Variants in NCK2 observed in about 807,000 individuals in gnomAD.
The protein encoded by NCK2 is cytoplasmic protein NCK2.
A neutral mutation model predicts 33.9 loss-of-function variants in NCK2; 16 were observed. The observed-to-expected ratio is 0.47, with a 90% CI of 0.32 to 0.72. The LOEUF is 0.72. Among genes scored for constraint, NCK2 ranks in the 30% least tolerant of loss-of-function variants. The probability of loss-of-function intolerance (pLI) is 0.03; values close to 1 mark genes in which losing one functional copy is unlikely to be tolerated. For missense variants in NCK2, 418 were observed against 537.3 expected (o/e 0.78, Z 2.19); for synonymous variants, 273 against 239.9 (o/e 1.14, Z -1.27).
At chr2:105,858,077 A>G (rs1432936268) in intron 3 of NCK2, among the ~76,000 whole-genome samples, 2 of 151,064 alleles carry the variant, frequency 1.3e-5, no homozygotes, top group African/African-American at 4.9e-5. Context: ...TTTGCTAAAA[A>G]GATAGGAGCC....
At chr2:105,817,132 C>T (rs1675522999) in intron 2 of NCK2, among the ~76,000 whole-genome samples, 1 of 149,622 alleles carries the variant, frequency 6.7e-6, no homozygotes, top group Non-Finnish European at 1.5e-5. Context: ...GCCAAGGTCA[C>T]ACCACTGCAC....
chr2:105,817,872 G>A (rs562695433), intron 2 of NCK2, among the ~76,000 whole-genome samples: 131 of 152,014 alleles, frequency 8.6e-4, no homozygotes, highest in African/African-American at 1.1e-3. Context: ...ACAGTGTGGC[G>A]ATTCCTCAGG....
chr2:105,882,065 C>G lies in NCK2; in HGVS notation c.948+16C>G. 3 of 1,485,968 alleles carry G rather than the reference C, an allele frequency of 2.0e-6. No homozygotes were observed. Among genetic ancestry groups the G allele is most frequent in the Non-Finnish European group, 2.7e-6 (3 of 1,118,050 alleles). 92.0% of individuals were successfully genotyped at this position (1,485,968 alleles called of 1,614,324 possible). A position where few individuals can be genotyped will look rare whatever the true frequency, so the allele number is the denominator to read the frequency against. On this transcript the variant is annotated intron_variant, in intron 4 of 4. Transcript: ENST00000233154. ...CGAGTCCTCGGTAAGTGCGCTGCGC[C>G]CACAGCTCCGGCTGCAGGCAGTAAA...
chr2:105,783,074 T>C (rs371416082), intron 1 of NCK2, among the ~76,000 whole-genome samples: 1 of 152,128 alleles, frequency 6.6e-6, no homozygotes, highest in Admixed American at 6.5e-5. Flanking sequence ...ACAAGATAGA[T>C]GGGGAAGCTG....
At chr2:105,811,398 A>C (rs951852542) in intron 1 of NCK2, among the ~76,000 whole-genome samples, 8 of 152,086 alleles carry the variant, frequency 5.3e-5, no homozygotes, top group African/African-American at 1.9e-4. Flanking sequence ...TCTGGCTGTA[A>C]TTTGCTTCTC....
At chr2:105,869,338 C>T (rs1460086147) in intron 3 of NCK2, among the ~76,000 whole-genome samples, 1 of 152,314 alleles carries the variant, frequency 6.6e-6, no homozygotes, top group Non-Finnish European at 1.5e-5. Context: ...GCTCCTGCTG[C>T]GTGTCAACAC....
intron 3 of NCK2, among the ~76,000 whole-genome samples, chr2:105,867,846 G>A (rs535203688): frequency 5.3e-5 from 8 of 152,192 alleles, no homozygotes; most frequent in Non-Finnish European, 1.2e-4. Context: ...TTACTCAAGC[G>A]GGAGTCTTAA....
chr2:105,854,986 G>A, intron 2 of NCK2, 62 bp from the exon 3 acceptor site: 1 of 1,294,332 alleles, frequency 7.7e-7, no homozygotes, highest in Non-Finnish European at 1.1e-6. Context: ...TTTCAAGTTG[G>A]TGCAAAGGAT....
chr2:105,893,449 C>A lies in NCK2; in HGVS notation c.*273C>A. 2.5e-6 allele frequency: 1 copy of A among 397,594 alleles called. No individual in the cohort carries two copies. 24.6% of individuals were successfully genotyped at this position (397,594 alleles called of 1,614,324 possible). On this transcript the variant is annotated 3_prime_UTR_variant, in exon 5 of 5. Coordinates refer to ENST00000233154, the MANE Select transcript of NCK2 (RefSeq NM_003581.5). The stretch of plus-strand genomic sequence containing the variant: ...TCGGAAGTGGCGCTCGTGCATTCAA[C>A]TCGTTCCCGCTCATGGAACCCCTCT...
chr2:105,861,907 C>T (rs1677551148), intron 3 of NCK2, among the ~76,000 whole-genome samples: 1 of 4,450 alleles, frequency 2.2e-4, no homozygotes, highest in East Asian at 0.042. Flanking sequence ...ATTCTTTCCT[C>T]CCTCCCTCCC....
intron 1 of NCK2, among the ~76,000 whole-genome samples, chr2:105,759,601 A>AT (rs1200288068): frequency 6.6e-6 from 1 of 152,220 alleles, no homozygotes; most frequent in Non-Finnish European, 1.5e-5. Flanking sequence ...TGTGATTCAC[A>AT]TCTTACGTTA....
intron 2 of NCK2, among the ~76,000 whole-genome samples, chr2:105,835,408 T>TATATATATATATATATATACATACATAC (rs1553458610): frequency 4.8e-5 from 2 of 41,270 alleles, no homozygotes; most frequent in Admixed American, 2.8e-4. Flanking sequence ...TATATATACG[T>TATATATATATATATATATACATACATAC]GTATATATAT....
At chr2:105,758,413 G>GT (rs574939583) in intron 1 of NCK2, among the ~76,000 whole-genome samples, 5,137 of 132,470 alleles carry the variant, frequency 0.039, 188 homozygotes, top group African/African-American at 0.079. Context: ...TGTTGTTTTT[G>GT]TTTTTTTTTT....
At chr2:105,811,631 G>A (rs1313430741) in intron 1 of NCK2, among the ~76,000 whole-genome samples, 1 of 152,222 alleles carries the variant, frequency 6.6e-6, no homozygotes, top group Admixed American at 6.5e-5. Flanking sequence ...TGGGTTGCAT[G>A]AAGGATGCCA....
At chr2:105,880,189 G>A (rs1287874302) in intron 3 of NCK2, among the ~76,000 whole-genome samples, 2 of 152,196 alleles carry the variant, frequency 1.3e-5, no homozygotes, top group Non-Finnish European at 2.9e-5. Context: ...TGAAGAAACA[G>A]TACTTACTGT....
chr2:105,817,560 T>C (rs1397887868), intron 2 of NCK2, among the ~76,000 whole-genome samples: 1 of 152,186 alleles, frequency 6.6e-6, no homozygotes, highest in African/African-American at 2.4e-5. Flanking sequence ...TTAAAAACTT[T>C]TAATTTGCTC....
intron 1 of NCK2, among the ~76,000 whole-genome samples, chr2:105,786,999 T>A (rs1292475060): frequency 6.6e-6 from 1 of 152,234 alleles, no homozygotes; most frequent in African/African-American, 2.4e-5. Flanking sequence ...CTGGCCTTGG[T>A]GGCTCTCAAT....
intron 1 of NCK2, among the ~76,000 whole-genome samples, chr2:105,810,776 C>T (rs186626082): frequency 6.6e-6 from 1 of 152,250 alleles, no homozygotes; most frequent in African/African-American, 2.4e-5. Context: ...TCAAGAAAAC[C>T]CTTTACAAAC....
At chr2:105,747,401 T>C (rs956002788) in intron 1 of NCK2, among the ~76,000 whole-genome samples, 1 of 152,204 alleles carries the variant, frequency 6.6e-6, no homozygotes, top group Non-Finnish European at 1.5e-5. Flanking sequence ...AGTCCTTTAC[T>C]TGATCAGTTG....
Sources: gnomAD v4.1 joint callset for allele counts (sites outside exome capture counted in the v4.1 genomes callset) on GRCh38, gnomAD v4.1.1 for gene constraint, MANE v1.5 for transcripts, NCBI Gene and HGNC (gene_info 2026-07-23, HGNC 2026-07-21) for gene names.